Variants in HDHD5 observed in about 807,000 individuals in gnomAD.
HDHD5 encodes the protein haloacid dehalogenase-like hydrolase domain-containing 5.
HDHD5 carries 34 observed loss-of-function variants against 35.5 expected under a neutral mutation model. The ratio of observed to expected loss-of-function variants is 0.96; its 90% CI spans 0.73 to 1.28. The LOEUF is 1.28. Among genes scored for constraint, HDHD5 ranks in the 50% most tolerant of loss-of-function variants. The probability of loss-of-function intolerance (pLI) is 0.00; values close to 1 mark genes in which losing one functional copy is unlikely to be tolerated. For missense variants in HDHD5, 589 were observed against 560.2 expected (o/e 1.05, Z -0.52); for synonymous variants, 248 against 240.6 (o/e 1.03, Z -0.29).
chr22:17,149,522 G>A lies in HDHD5; in HGVS notation c.330+20C>T. ...AGGAACCAGGTCCTTGGGCTTCCATGCCTCTGGCTGCCTTCTCACCTCGCA... is the reference window on the plus strand; with the variant it reads ...AGGAACCAGGTCCTTGGGCTTCCATACCTCTGGCTGCCTTCTCACCTCGCA... On this transcript the variant is annotated intron_variant, in intron 2 of 7. Coordinates refer to ENST00000336737, the MANE Select transcript of HDHD5 (RefSeq NM_033070.3). The A allele has an allele frequency of 6.2e-7, 1 of 1,608,200 alleles. No homozygotes were observed.
rs1328785102 is a variant in HDHD5, at chr22:17,164,828, TA to T, written c.36+380del. Reference sequence around the variant, plus strand: ...TAAAAGGAGGGAAACTGGCATATCCTACCTCACACCAGTAGGAGGCAGACGA... The same window carrying T: ...TAAAAGGAGGGAAACTGGCATATCCTCCTCACACCAGTAGGAGGCAGACGA... On this transcript the variant is annotated intron_variant, in intron 1 of 7. Coordinates refer to the HDHD5 transcript ENST00000155674. 7.2e-5 allele frequency among the ~76,000 whole-genome samples: 11 copies of T among 152,316 alleles called. No individual in the cohort carries two copies. The East Asian group carries it at 2.1e-3, about 29-fold the overall frequency.
At chr22:17,156,683 G>C (rs2061795808) in intron 1 of HDHD5, among the ~76,000 whole-genome samples, 2 of 151,884 alleles carry the variant, frequency 1.3e-5, no homozygotes, top group Admixed American at 1.3e-4. Context: ...GGCTGAGGCA[G>C]GAGAATGATG....
intron 5 of HDHD5, 48 bp from the exon 6 acceptor site, chr22:17,141,281 C>A (rs199595517): frequency 6.5e-7 from 1 of 1,545,628 alleles, no homozygotes; most frequent in Non-Finnish European, 8.7e-7. Flanking sequence ...AGATGGCAGG[C>A]GGCAGGCCCT....
chr22:17,159,284 C>CG (rs2061842103), upstream of HDHD5: 2 of 989,290 alleles, frequency 2.0e-6, no homozygotes, highest in Non-Finnish European at 2.5e-6. Flanking sequence ...GCACGGCGTG[C>CG]GGCCCCCCCC....
upstream of HDHD5, among the ~76,000 whole-genome samples, chr22:17,162,680 C>G (rs1406345362): frequency 6.6e-6 from 1 of 152,212 alleles, no homozygotes; most frequent in Non-Finnish European, 1.5e-5. Flanking sequence ...ATTAGATTCT[C>G]TGGGTTCATA....
chr22:17,160,997 G>A (rs1293477956), upstream of HDHD5, among the ~76,000 whole-genome samples: 1 of 152,160 alleles, frequency 6.6e-6, no homozygotes, highest in Non-Finnish European at 1.5e-5. Flanking sequence ...GCTCACACCT[G>A]TAATCCCAGC....
Position 17,138,103 on chromosome 22 carries a change from A to G in HDHD5, c.1190T>C (p.Leu397Pro), listed in dbSNP as rs780778873. ...ATTCACCACGTGGGAGGCCTCCATG[A>G]GCCCTGGACTGAAGCATAAGTCTCG... ...GHRDLCFSPGLMEASHVVNDV... is the reference protein window; with the variant it reads ...GHRDLCFSPGPMEASHVVNDV... The change falls in exon 8 of 8, where the codon CTC becomes CCC. Residue 397 changes from leucine to proline, a missense_variant. Physicochemically the swap from Leu to Pro is moderately conservative, Grantham distance 98. Transcript: ENST00000336737. 1 of 1,613,854 alleles carries G rather than the reference A, an allele frequency of 6.2e-7. No homozygotes were observed. Among genetic ancestry groups the G allele is most frequent in the Admixed American group, 1.7e-5 (1 of 59,988 alleles).
At chr22:17,159,428 G>T (rs761875527), upstream of HDHD5, 2 of 683,866 alleles carry the variant, frequency 2.9e-6, no homozygotes, top group South Asian at 3.0e-5. Flanking sequence ...GGGCTCCGTT[G>T]CAAGGAAGAA....
At chr22:17,149,503 C>T (rs71326301) in intron 2 of HDHD5, 39 bp downstream of exon 2, 81,495 of 1,596,144 alleles carry the variant, frequency 0.051, 3,220 homozygotes, top group South Asian at 0.16. Flanking sequence ...CATTAGGAAC[C>T]AGGTCCTTGG....
At chr22:17,157,085 T>TACACACATACACACACACACACAC (rs2061803847) in intron 1 of HDHD5, among the ~76,000 whole-genome samples, 1 of 143,682 alleles carries the variant, frequency 7.0e-6, no homozygotes, top group East Asian at 2.1e-4. Context: ...CTCACACACA[T>TACACACATACACACACACACACAC]ACACACACAC....
intron 1 of HDHD5, chr22:17,158,918 T>G (rs2061834419): frequency 2.7e-6 from 1 of 366,764 alleles, no homozygotes; most frequent in Non-Finnish European, 4.5e-6. Flanking sequence ...CCCGCGGGAG[T>G]AGCGTTTCCG....
chr22:17,151,409 T>C (rs2061723233), intron 1 of HDHD5, among the ~76,000 whole-genome samples: 1 of 152,118 alleles, frequency 6.6e-6, no homozygotes, highest in South Asian at 2.1e-4. Flanking sequence ...CGCACAGAGC[T>C]CCCTTTATAG....
chr22:17,159,341 C>T, upstream of HDHD5: 1 of 1,207,556 alleles, frequency 8.3e-7, no homozygotes, highest in Non-Finnish European at 1.1e-6. Context: ...TCGGCGCGCG[C>T]GGCATCACGG....
intron 6 of HDHD5, among the ~76,000 whole-genome samples, chr22:17,140,389 A>G (rs2061586383): frequency 2.0e-5 from 3 of 152,130 alleles, no homozygotes; most frequent in African/African-American, 7.2e-5. Context: ...AAAGCCACTT[A>G]TCTGCTGGGT....
chr22:17,150,177 T>C (rs1187696060), intron 1 of HDHD5, among the ~76,000 whole-genome samples: 2 of 152,220 alleles, frequency 1.3e-5, no homozygotes, highest in Non-Finnish European at 2.9e-5. Context: ...CTCATATTTG[T>C]CTTGTAGCTA....
chr22:17,143,223 G>A (rs1433142704), intron 4 of HDHD5, 92 bp from the exon 5 acceptor site: 1 of 1,389,560 alleles, frequency 7.2e-7, no homozygotes, highest in East Asian at 2.4e-5. Context: ...GGAGGGGAGG[G>A]GAGACACACT....
In HDHD5 at chr22:17,138,724, G is replaced by A. The variant is rs750756548; in HGVS notation, c.761C>T (p.Thr254Ile). The change falls in exon 7 of 8, where the codon ACC (threonine) becomes ATC (isoleucine). Residue 254 changes from threonine to isoleucine, a missense_variant. Transcript: ENST00000336737. ...EAKMPRFGHG[T>I]FLLCLETIYQ... ...AATGGTTTCCAGGCACAGCAGAAAG[G>A]TGCCATGTCCAAACCTGCCAGAAAC... 11 of 1,614,086 alleles carry A rather than the reference G, an allele frequency of 6.8e-6. No individual in the cohort carries two copies. In the East Asian group the frequency reaches 2.0e-4, roughly 29 times the overall value.
intron 2 of HDHD5, among the ~76,000 whole-genome samples, chr22:17,149,232 C>T (rs919938020): frequency 2.0e-5 from 3 of 152,238 alleles, no homozygotes; most frequent in Non-Finnish European, 2.9e-5. Flanking sequence ...GTGCACACAT[C>T]ATACCCAGGA....
At chr22:17,143,200 C>T (rs1293910631) in intron 4 of HDHD5, 69 bp from the exon 5 acceptor site, 1 of 1,553,568 alleles carries the variant, frequency 6.4e-7, no homozygotes, top group Admixed American at 1.8e-5. Context: ...ACAACCCCAC[C>T]TCCAGGGTGC....
Sources: gnomAD v4.1 joint callset for allele counts (sites outside exome capture counted in the v4.1 genomes callset) on GRCh38, gnomAD v4.1.1 for gene constraint, MANE v1.5 for transcripts, NCBI Gene and HGNC (gene_info 2026-07-23, HGNC 2026-07-21) for gene names.